CLTCL1: variants seen among roughly 807,000 people sequenced by gnomAD.
CLTCL1 encodes clathrin heavy chain 2.
CLTCL1 carries 159 observed loss-of-function variants against 190.0 expected under a neutral mutation model. The observed-to-expected ratio is 0.84, with a 90% confidence interval of 0.74 to 0.95. The LOEUF (loss-of-function observed/expected upper bound fraction) is 0.95, where lower values mean the gene tolerates loss of function less well. Ranked by LOEUF, CLTCL1 falls within the 40% of genes least tolerant of loss-of-function variation. The pLI is 0.00. For missense variants in CLTCL1, 1,878 were observed against 2,033.4 expected (o/e 0.92, Z 1.47); for synonymous variants, 752 against 769.6 (o/e 0.98, Z 0.38).
intron 23 of CLTCL1, among the ~76,000 whole-genome samples, chr22:19,200,698 C>G (rs781862511): frequency 1.3e-5 from 2 of 152,078 alleles, no homozygotes; most frequent in Non-Finnish European, 2.9e-5. Context: ...AAAAATTAGC[C>G]GGGCGTGGTG....
rs528208216 is a variant in CLTCL1, at chr22:19,282,806, T to C, written c.43-6976A>G. Among the ~76,000 whole-genome samples, 4 of 151,560 alleles carry C rather than the reference T, an allele frequency of 2.6e-5. No homozygotes were observed. The South Asian group carries it at 8.3e-4, about 32-fold the overall frequency. ...AGATACTACTGTGAGTTTTTCTCCA[T>C]ACGCAGGAACTAAGTCCCAGAAAAG... On this transcript the variant is annotated intron_variant, in intron 1 of 32. Coordinates refer to ENST00000427926, the MANE Select transcript of CLTCL1 (RefSeq NM_007098.4).
At chr22:19,242,670 T>C in intron 4 of CLTCL1, 105 bp downstream of exon 4, 1 of 1,243,864 alleles carries the variant, frequency 8.0e-7, no homozygotes, top group East Asian at 2.3e-5. Flanking sequence ...CATGAACCTT[T>C]CCTCACACAG....
intron 1 of CLTCL1, among the ~76,000 whole-genome samples, chr22:19,277,243 C>T (rs528683025): frequency 1.3e-5 from 2 of 152,272 alleles, no homozygotes; most frequent in Admixed American, 1.3e-4. Context: ...GAGCAGGCTA[C>T]AGGACAACAA....
At position 19,180,759 on chromosome 22, in the gene CLTCL1, A is replaced by C. The variant is rs782521280; in HGVS notation, c.4875T>G (p.His1625Gln). ...ACACGAGAGGGGCAGGCTCTGTCAC[A>C]TGCTCCTCTTGCTTGCGCAGACTCT... Reference protein sequence around the residue: ...ALESLRKQEEHVTEPAPLVFD... With the variant: ...ALESLRKQEEQVTEPAPLVFD... Residue 1625 changes from histidine to glutamine, a missense_variant, in exon 31 of 33, where the codon CAT becomes CAG. Coordinates refer to ENST00000427926, the MANE Select transcript of CLTCL1 (RefSeq NM_007098.4). 1.9e-6 allele frequency: 3 copies of C among 1,613,628 alleles called. No homozygotes were observed. Among genetic ancestry groups the C allele is most frequent in the Non-Finnish European group, 2.5e-6 (3 of 1,179,824 alleles).
chr22:19,232,776 T>A, intron 9 of CLTCL1, 178 bp from the exon 10 acceptor site: 1 of 836,684 alleles, frequency 1.2e-6, no homozygotes, highest in Non-Finnish European at 1.8e-6. Flanking sequence ...TGATTTAATG[T>A]ACATGGAAGG....
intron 4 of CLTCL1, among the ~76,000 whole-genome samples, chr22:19,240,153 G>A (rs2086207080): frequency 2.0e-5 from 3 of 151,632 alleles, no homozygotes; most frequent in South Asian, 4.2e-4. Flanking sequence ...ATGGGGTTTC[G>A]CTATGTTGGC....
rs35398725 is a variant in CLTCL1, at chr22:19,219,982, T to C, written c.2822A>G (p.Lys941Arg). ...GCATACCAGGTAGCGGGCCTCGCTTTTGAACAGAGAATTCTCATTGCACAC... is the reference window on the plus strand; with the variant it reads ...GCATACCAGGTAGCGGGCCTCGCTTCTGAACAGAGAATTCTCATTGCACAC... ...IKVCNENSLF[K>R]SEARYLVCRK... Residue 941 changes from lysine (K) to arginine (R), a missense_variant, in exon 18 of 33, where the codon AAA (lysine) becomes AGA (arginine). Coordinates refer to ENST00000427926, the MANE Select transcript of CLTCL1 (RefSeq NM_007098.4). The C allele has an allele frequency of 1.6e-3, 2,531 of 1,614,032 alleles. 13 individuals are homozygous for C. In the African/African-American group the frequency reaches 0.017, roughly 11 times the overall value.
chr22:19,188,104 G>A lies in CLTCL1; in HGVS notation c.4324-13C>T, dbSNP rs1555929397. The A allele has an allele frequency of 6.2e-7, 1 of 1,613,480 alleles. No homozygotes were observed. Among genetic ancestry groups the A allele is most frequent in the East Asian group, 2.2e-5 (1 of 44,886 alleles). The stretch of plus-strand genomic sequence containing the variant: ...GCAGCTGACCTGCCTGACAAGTTGA[G>A]GGAACCGTCAAGGCACTTGGCCAAG... On this transcript the variant is annotated splice_polypyrimidine_tract_variant and intron_variant, in intron 27 of 32. Coordinates refer to ENST00000427926, the MANE Select transcript of CLTCL1 (RefSeq NM_007098.4).
At chr22:19,263,526 G>A (rs782238191) in intron 2 of CLTCL1, among the ~76,000 whole-genome samples, 9 of 151,960 alleles carry the variant, frequency 5.9e-5, no homozygotes, top group African/African-American at 1.9e-4. Flanking sequence ...ACCATTCTCC[G>A]CCTCAGCCTC....
chr22:19,283,950 C>G (rs780036669), intron 1 of CLTCL1, among the ~76,000 whole-genome samples: 2 of 150,770 alleles, frequency 1.3e-5, no homozygotes, highest in Non-Finnish European at 2.9e-5. Context: ...CAAGATTGTG[C>G]CACTGCACTC....
At chr22:19,204,803 G>A (rs183383231) in intron 22 of CLTCL1, among the ~76,000 whole-genome samples, 22 of 152,338 alleles carry the variant, frequency 1.4e-4, no homozygotes, top group African/African-American at 4.3e-4. Flanking sequence ...GCTGGGATCT[G>A]GCCCCCAGGC....
intron 1 of CLTCL1, among the ~76,000 whole-genome samples, chr22:19,287,874 A>G (rs1569265655): frequency 6.6e-6 from 1 of 152,208 alleles, no homozygotes; most frequent in Non-Finnish European, 1.5e-5. Context: ...TTCAGTAGGC[A>G]GCTGTCACAA....
intron 2 of CLTCL1, among the ~76,000 whole-genome samples, chr22:19,262,358 C>T (rs1478821837): frequency 6.6e-6 from 1 of 151,048 alleles, no homozygotes; most frequent in Non-Finnish European, 1.5e-5. Flanking sequence ...GCCAGCCTGT[C>T]GCGGTGGCTC....
chr22:19,258,769 T>C, intron 2 of CLTCL1: 1 of 690,584 alleles, frequency 1.4e-6, no homozygotes, highest in Non-Finnish European at 2.7e-6. Flanking sequence ...GGCAAAGTGG[T>C]GTTTGAGACC....
chr22:19,188,239 A>G, intron 27 of CLTCL1, 148 bp from the exon 28 acceptor site: 4 of 688,176 alleles, frequency 5.8e-6, no homozygotes, highest in Non-Finnish European at 5.1e-6. Flanking sequence ...GAACCAAAAG[A>G]CCTACACTCA....
intron 2 of CLTCL1, among the ~76,000 whole-genome samples, chr22:19,261,942 G>T (rs1473556223): frequency 6.6e-6 from 1 of 152,190 alleles, no homozygotes; most frequent in Non-Finnish European, 1.5e-5. Flanking sequence ...AAACAGCATT[G>T]CACGCTACAG....
Position 19,226,520 on chromosome 22 carries a change from G to A in CLTCL1, c.1783-137C>T. On this transcript the variant is annotated intron_variant, in intron 11 of 32. Transcript: ENST00000427926. ...GGCCCCTGTCCACATCCATACCTCT[G>A]TGGTGGCAGCAGTGCTTGTGGGTCC... 3.2e-6 allele frequency: 3 copies of A among 932,436 alleles called. No homozygotes were observed. The South Asian group carries it at 4.9e-5, about 15-fold the overall frequency. 57.8% of individuals were successfully genotyped at this position (932,436 alleles called of 1,614,324 possible).
chr22:19,234,397 C>T (rs1229049612), intron 7 of CLTCL1, 112 bp downstream of exon 7: 2 of 989,874 alleles, frequency 2.0e-6, no homozygotes, highest in Admixed American at 3.1e-5. Flanking sequence ...AAACTCCTAA[C>T]ATAACACTAA....
chr22:19,234,140 G>C (rs2086002836), intron 7 of CLTCL1, among the ~76,000 whole-genome samples: 3 of 152,154 alleles, frequency 2.0e-5, no homozygotes, highest in Non-Finnish European at 4.4e-5. Context: ...GAAAGTCCAG[G>C]GTAGGACTAT....
Sources: allele counts gnomAD v4.1 joint callset (sites outside exome capture counted in the v4.1 genomes callset), GRCh38; gene constraint gnomAD v4.1.1; transcripts MANE v1.5; gene names NCBI Gene and HGNC (gene_info 2026-07-23, HGNC 2026-07-21).